Variants in MYO7B observed in about 807,000 individuals in gnomAD.
MYO7B encodes the protein myosin VIIB, also known as unconventional myosin-VIIb.
A neutral mutation model predicts 259.7 loss-of-function variants in MYO7B; 212 were observed. The ratio of observed to expected loss-of-function variants is 0.82; its 90% CI spans 0.73 to 0.91. MYO7B has a LOEUF of 0.91. Among genes scored for constraint, MYO7B ranks in the 40% least tolerant of loss-of-function variants. MYO7B has a pLI of 0.00. For missense variants in MYO7B, 2,732 were observed against 2,813.5 expected, an observed-to-expected ratio of 0.97 and a Z score of 0.66; for synonymous variants, 1,197 against 1,166.4, an observed-to-expected ratio of 1.03 and a Z score of -0.54.
intron 10 of MYO7B, among the ~76,000 whole-genome samples, 199 bp downstream of exon 10, chr2:127,581,021 G>A (rs532717402): frequency 5.3e-5 from 8 of 152,280 alleles, no homozygotes; most frequent in South Asian, 2.1e-4. Flanking sequence ...ACAGAGCGGC[G>A]GAATGGCCAG....
At chr2:127,626,778 CAAAAAAG>C (rs781001274) in intron 31 of MYO7B, 190 bp from the exon 32 acceptor site, 2 of 554,430 alleles carry the variant, frequency 3.6e-6, no homozygotes, top group Non-Finnish European at 3.2e-6. Context: ...GACTCTGTCT[CAAAAAAG>C]AAAAAAAAAG....
intron 18 of MYO7B, among the ~76,000 whole-genome samples, chr2:127,594,109 C>T (rs182102115): frequency 1.3e-5 from 2 of 152,376 alleles, no homozygotes; most frequent in African/African-American, 2.4e-5. Context: ...TGTGTCAACT[C>T]TCCACAAAGC....
At chr2:127,575,891 G>A (rs1229347840) in intron 7 of MYO7B, among the ~76,000 whole-genome samples, 1 of 151,978 alleles carries the variant, frequency 6.6e-6, no homozygotes, top group Non-Finnish European at 1.5e-5. Context: ...AAAACTGCTG[G>A]GATTACAGCC....
chr2:127,603,618 A>G (rs536050608), intron 19 of MYO7B, among the ~76,000 whole-genome samples: 29 of 152,350 alleles, frequency 1.9e-4, no homozygotes, highest in African/African-American at 5.5e-4. Context: ...TCTAGATTAC[A>G]GGCAGAGTAG....
chr2:127,626,783 AAG>A, intron 31 of MYO7B, 190 bp from the exon 32 acceptor site: 1 of 565,958 alleles, frequency 1.8e-6, no homozygotes, highest in Non-Finnish European at 3.1e-6. Flanking sequence ...TGTCTCAAAA[AAG>A]AAAAAAAAAG....
rs540373240 is a variant in MYO7B, at chr2:127,592,856, C to G, written c.2055C>G (p.His685Gln). The change falls in exon 17 of 48, where the codon CAC (histidine) becomes CAG (glutamine). Residue 685 changes from histidine to glutamine, a missense_variant. His to Gln is a conservative substitution (Grantham distance 24). This residue lies in a region of MYO7B where 1,906 missense variants were observed against 2,026.4 expected (regional missense o/e 0.94). Coordinates refer to ENST00000409816, the MANE Select transcript of MYO7B (RefSeq NM_001393586.1). ...LRYSGMMETV[H>Q]IRKSGFPIRY... is the part of the protein sequence containing the mutation. The stretch of plus-strand genomic sequence containing the variant: ...ACTCGGGCATGATGGAGACCGTGCA[C>G]ATCCGCAAGTCGGGCTTCCCCATCC... 62 of 1,610,518 alleles carry G rather than the reference C, an allele frequency of 3.8e-5. No homozygotes were observed. In the East Asian group the frequency reaches 1.0e-3, roughly 27 times the overall value.
In MYO7B at chr2:127,636,184, C is replaced by T; in HGVS notation, c.6007-24C>T. 6.3e-7 allele frequency: 1 copy of T among 1,591,930 alleles called. No homozygotes were observed. The highest frequency in any genetic ancestry group is 1.7e-5 in the Admixed American group (1 of 59,464). ...TGGAGGGCCTCTGGGCACCCAAGTC[C>T]TTACTGGCCCTCCTGTCCCCCAGAG... On this transcript the variant is annotated intron_variant, in intron 44 of 47. Transcript: ENST00000409816. This position sits in a 1 kb window ranked among gnomAD's most constrained non-coding sequence, Gnocchi z 4.5.
rs1421519331 is a variant in MYO7B at position 127,584,203 on chromosome 2, G to T, written c.1425G>T (p.Glu475Asp). 9 of 1,613,894 alleles carry T rather than the reference G, an allele frequency of 5.6e-6. No homozygotes were observed. Among genetic ancestry groups the T allele is most frequent in the Non-Finnish European group, 7.6e-6 (9 of 1,179,898 alleles). Residue 475 changes from glutamate to aspartate, a missense_variant, in exon 13 of 48, where the codon GAG becomes GAT. Physicochemically the swap from Glu to Asp is conservative, Grantham distance 45. This residue lies in a region of MYO7B where 1,906 missense variants were observed against 2,026.4 expected (regional missense o/e 0.94). Transcript: ENST00000409816. The surrounding 1 kb of genome is among the most constrained non-coding windows in gnomAD (Gnocchi z 5.8). ...AGCACGTGTTCACCATGGAGCAAGAGGAGTACCGCTCGGAGAACATCTCCT... is the reference window on the plus strand; with the variant it reads ...AGCACGTGTTCACCATGGAGCAAGATGAGTACCGCTCGGAGAACATCTCCT... ...FVQHVFTMEQ[E>D]EYRSENISWD... is the part of the protein sequence containing the mutation.
rs1437719959 is a variant in MYO7B, at chr2:127,610,095, G to C, written c.3192+79G>C. 49 of 1,538,140 alleles carry C rather than the reference G, an allele frequency of 3.2e-5. 1 individual carries two copies. The highest frequency in any genetic ancestry group is 5.6e-5 in the Admixed American group (3 of 53,318). ...CAGGGCCCAGTCCCTGGGGCAGCTG[G>C]ACAGGACGGAGAGACAAGACCTGGA... On this transcript the variant is annotated intron_variant, in intron 24 of 47. Transcript: ENST00000409816.
chr2:127,537,671 A>G (rs554039460), intron 1 of MYO7B, among the ~76,000 whole-genome samples: 18 of 151,904 alleles, frequency 1.2e-4, no homozygotes, highest in Admixed American at 6.6e-4. Context: ...AGAAGAAGGA[A>G]TAGGAGGAGG....
In MYO7B at chr2:127,581,954, G is replaced by A. The variant is rs1246106894; in HGVS notation, c.1144G>A (p.Val382Ile). ...KHTILIRGEFVTRSLNIAQAA... is the reference protein window; with the variant it reads ...KHTILIRGEFITRSLNIAQAA... ...CACCATCCTCATCCGAGGGGAATTT[G>A]TCACCAGGTCCCTGAACATTGCCCA... is the stretch of plus-strand genomic sequence containing the variant. The change falls in exon 11 of 48, where the codon GTC becomes ATC. Residue 382 changes from valine (V) to isoleucine (I), a missense_variant. Physicochemically the swap from Val to Ile is conservative, Grantham distance 29. Coordinates refer to ENST00000409816, the MANE Select transcript of MYO7B (RefSeq NM_001393586.1). The A allele has an allele frequency of 6.2e-7, 1 of 1,613,930 alleles. No homozygotes were observed.
chr2:127,535,844 CG>C lies in MYO7B; in HGVS notation c.-24+18del, dbSNP rs201976996. Reference sequence around the variant, plus strand: ...CCATCCTGACAAGGTAAGGGCGTGCCGGGGGCGTGTCTGCCAGCGGGGAGTA... The same window carrying C: ...CCATCCTGACAAGGTAAGGGCGTGCCGGGGCGTGTCTGCCAGCGGGGAGTA... On this transcript the variant is annotated intron_variant, in intron 1 of 47. Coordinates refer to ENST00000409816, the MANE Select transcript of MYO7B (RefSeq NM_001393586.1). This position sits in a 1 kb window ranked among gnomAD's most constrained non-coding sequence, Gnocchi z 4.8. 0.011 allele frequency: 1,639 copies of C among 152,360 alleles called. 16 individuals carry two copies. The highest frequency in any genetic ancestry group is 0.014 in the Non-Finnish European group (982 of 68,132). 9.4% of individuals were successfully genotyped at this position (152,360 alleles called of 1,614,324 possible).
intron 27 of MYO7B, 120 bp from the exon 28 acceptor site, chr2:127,621,862 G>C: frequency 1.4e-6 from 2 of 1,419,762 alleles, no homozygotes; most frequent in South Asian, 1.2e-5. Context: ...CGGGTGTGAG[G>C]GTGCCCCTCA....
At position 127,573,983 on chromosome 2, in the gene MYO7B, T is replaced by C. The variant is rs766724685; in HGVS notation, c.656T>C (p.Ile219Thr). 6.2e-7 allele frequency: 1 copy of C among 1,614,032 alleles called. No individual in the cohort carries two copies. The highest frequency in any genetic ancestry group is 1.7e-5 in the Admixed American group (1 of 60,032). ...AGCCGCTTTGGGAAGTACATTGACA[T>C]CTACTTTAACCCCAGCGGGGTGATC... The part of the protein sequence containing the change: ...NSSRFGKYID[I>T]YFNPSGVIEG... Residue 219 changes from isoleucine to threonine, a missense_variant, in exon 7 of 48, where the codon ATC (isoleucine) becomes ACC (threonine). Physicochemically the swap from Ile to Thr is moderately conservative, Grantham distance 89. Transcript: ENST00000409816.
chr2:127,545,069 T>C (rs549673411), intron 1 of MYO7B, among the ~76,000 whole-genome samples: 1 of 152,306 alleles, frequency 6.6e-6, no homozygotes, highest in East Asian at 1.9e-4. Context: ...TACCCAAAGG[T>C]TGAACCTGAA....
intron 22 of MYO7B, 75 bp downstream of exon 22, chr2:127,608,953 A>C (rs565721679): frequency 6.6e-7 from 1 of 1,515,242 alleles, no homozygotes; most frequent in East Asian, 2.4e-5. Context: ...AACTCAGTCC[A>C]CCTCTCGGCT....
At position 127,559,790 on chromosome 2, in the gene MYO7B, GGCCAAGTT is replaced by G; in HGVS notation, c.18+52_18+59del. On this transcript the variant is annotated intron_variant, in intron 2 of 47. Coordinates refer to ENST00000409816, the MANE Select transcript of MYO7B (RefSeq NM_001393586.1). This position sits in a 1 kb window ranked among gnomAD's most constrained non-coding sequence, Gnocchi z 4.1. ...GGGGTTATTGGTGTAAGTTACTCAAGGCCAAGTTGAATCGCTCCCAAGGAAAGAGAGGA... is the reference window on the plus strand; with the variant it reads ...GGGGTTATTGGTGTAAGTTACTCAAGGAATCGCTCCCAAGGAAAGAGAGGA... 1 of 1,605,806 alleles carries G rather than the reference GGCCAAGTT, an allele frequency of 6.2e-7. No individual in the cohort carries two copies.
Position 127,628,859 on chromosome 2 carries a change from G to C in MYO7B, c.4624+324G>C, listed in dbSNP as rs1041088735. On this transcript the variant is annotated intron_variant, in intron 34 of 47. Transcript: ENST00000409816. This position sits in a 1 kb window ranked among gnomAD's most constrained non-coding sequence, Gnocchi z 4.8. ...AAGTTTTGAACACCATCCCCACAGCGCACTGCTGCAAAAGCACCCCATTAT... is the reference window on the plus strand; with the variant it reads ...AAGTTTTGAACACCATCCCCACAGCCCACTGCTGCAAAAGCACCCCATTAT... 6.6e-6 allele frequency among the ~76,000 whole-genome samples: 1 copy of C among 152,210 alleles called. No individual in the cohort carries two copies. Among genetic ancestry groups the C allele is most frequent in the African/African-American group, 2.4e-5 (1 of 41,446 alleles).
chr2:127,594,055 C>T (rs1387720516), intron 18 of MYO7B, among the ~76,000 whole-genome samples: 5 of 152,272 alleles, frequency 3.3e-5, no homozygotes, highest in African/African-American at 1.2e-4. Context: ...GAGGCCCAGC[C>T]TCTGCAGAGC....
Sources: gnomAD v4.1 joint callset for allele counts (sites outside exome capture counted in the v4.1 genomes callset) on GRCh38, gnomAD v4.1.1 for gene constraint, gnomAD v4.1.1 regional missense constraint, Gnocchi (gnomAD v3.1) non-coding constraint, MANE v1.5 for transcripts, NCBI Gene and HGNC (gene_info 2026-07-23, HGNC 2026-07-21) for gene names.